The following BTBD1 variants were observed in gnomAD, a reference collection of about 807,000 sequenced individuals.
The protein encoded by BTBD1 is BTB/POZ domain-containing protein 1.
BTBD1 carries 34 observed loss-of-function variants against 48.0 expected under a neutral mutation model. The observed-to-expected ratio is 0.71, with a 90% CI of 0.54 to 0.94. The LOEUF is 0.94. Ranked by LOEUF, BTBD1 falls within the 40% of genes least tolerant of loss-of-function variation. The probability of loss-of-function intolerance (pLI) is 0.00; values close to 1 mark genes in which losing one functional copy is unlikely to be tolerated. For missense variants in BTBD1, 543 were observed against 625.6 expected (o/e 0.87, Z 1.41); for synonymous variants, 261 against 242.1 (o/e 1.08, Z -0.72).
chr15:83,051,705 T>A (rs548248590), intron 2 of BTBD1, among the ~76,000 whole-genome samples: 2 of 151,974 alleles, frequency 1.3e-5, no homozygotes, highest in East Asian at 3.9e-4. Flanking sequence ...TGGAATTTCC[T>A]TATTTTTTTT....
chr15:83,036,708 A>G (rs1021205652), intron 4 of BTBD1, among the ~76,000 whole-genome samples: 2 of 152,226 alleles, frequency 1.3e-5, no homozygotes, highest in African/African-American at 4.8e-5. Flanking sequence ...ACAGTTGTAT[A>G]ACAGAATATT....
At chr15:83,044,428 G>A (rs2151307998) in intron 3 of BTBD1, 2 of 1,578,684 alleles carry the variant, frequency 1.3e-6, no homozygotes, top group African/African-American at 1.3e-5. Flanking sequence ...ACGCTTTGAT[G>A]AATACATGAA....
At chr15:83,066,689 G>T in intron 1 of BTBD1, 62 bp downstream of exon 1, 2 of 1,255,092 alleles carry the variant, frequency 1.6e-6, no homozygotes, top group Non-Finnish European at 2.0e-6. Context: ...GGGCCCCGGG[G>T]ATCTCCCAGC....
intron 4 of BTBD1, among the ~76,000 whole-genome samples, chr15:83,033,177 G>A (rs1478878267): frequency 1.3e-5 from 2 of 152,034 alleles, no homozygotes; most frequent in African/African-American, 4.8e-5. Flanking sequence ...AATAGCCACT[G>A]CACTCCAGCC....
chr15:83,034,199 GAATTTTTTAAA>G (rs1370546377), intron 4 of BTBD1, among the ~76,000 whole-genome samples: 1 of 151,900 alleles, frequency 6.6e-6, no homozygotes. Context: ...CTGTCAGACT[GAATTTTTTAAA>G]AATGAAGCTT....
intron 4 of BTBD1, 72 bp downstream of exon 4, chr15:83,041,656 G>C (rs1176875290): frequency 1.4e-6 from 2 of 1,432,034 alleles, no homozygotes; most frequent in African/African-American, 2.8e-5. Context: ...TTATAGGTGT[G>C]AGCCACCAGG....
intron 4 of BTBD1, among the ~76,000 whole-genome samples, chr15:83,037,225 T>C (rs1353789728): frequency 7.3e-5 from 11 of 151,688 alleles, no homozygotes; most frequent in Admixed American, 7.2e-4. Flanking sequence ...ACATGAATAA[T>C]GTAAAGGAAA....
chr15:83,030,339 A>C lies in BTBD1; in HGVS notation c.863-11T>G. ...CAGATTGAGCAGGACCTGTGGAAAT[A>C]AAAACATAAGCCTAAAAAAAGGAAT... On this transcript the variant is annotated splice_polypyrimidine_tract_variant and intron_variant, in intron 4 of 7. Transcript: ENST00000261721. 1 of 1,597,448 alleles carries C rather than the reference A, an allele frequency of 6.3e-7. No individual in the cohort carries two copies. Among genetic ancestry groups the C allele is most frequent in the Non-Finnish European group, 8.5e-7 (1 of 1,170,744 alleles).
intron 5 of BTBD1, 154 bp downstream of exon 5, chr15:83,029,982 G>A (rs2032483961): frequency 4.1e-6 from 3 of 734,688 alleles, no homozygotes; most frequent in South Asian, 3.6e-5. Flanking sequence ...GGATGCCTCA[G>A]TGACTTCTTG....
At chr15:83,054,353 A>G (rs2033045835) in intron 2 of BTBD1, among the ~76,000 whole-genome samples, 1 of 152,130 alleles carries the variant, frequency 6.6e-6, no homozygotes, top group Non-Finnish European at 1.5e-5. Flanking sequence ...AAGAGAAAAA[A>G]GAAAAAAAGG....
rs761937825 is a variant in BTBD1, at chr15:83,041,929, T to G, written c.665-4A>C. 4 of 1,613,350 alleles carry G rather than the reference T, an allele frequency of 2.5e-6. No homozygotes were observed. The Admixed American group carries it at 6.7e-5, about 27-fold the overall frequency. On this transcript the variant is annotated splice_region_variant and splice_polypyrimidine_tract_variant and intron_variant, in intron 3 of 7. Coordinates refer to ENST00000261721, the MANE Select transcript of BTBD1 (RefSeq NM_025238.4). The stretch of plus-strand genomic sequence containing the variant: ...TCTAAAACTGCACAGAGTGTATCTA[T>G]AGGCAAAATACAAAATAAACCCAAT...
chr15:83,019,145 C>T (rs1361739765), intron 6 of BTBD1, among the ~76,000 whole-genome samples: 1 of 151,888 alleles, frequency 6.6e-6, no homozygotes, highest in Non-Finnish European at 1.5e-5. Flanking sequence ...CTGAAACCTC[C>T]ACTTCCCAAG....
chr15:83,062,295 G>C (rs940158270), intron 1 of BTBD1, among the ~76,000 whole-genome samples: 1 of 152,158 alleles, frequency 6.6e-6, no homozygotes, highest in Non-Finnish European at 1.5e-5. Context: ...GCAGTAGTTT[G>C]GTTGAAGCAA....
In BTBD1 at chr15:83,016,606, A is replaced by G. The variant is rs891835810; in HGVS notation, c.*1461T>C. ...AACACTAACTCATCTCTGGCATATCATATTTTTTAAGGCAGAAGTATTTTC... is the reference window on the plus strand; with the variant it reads ...AACACTAACTCATCTCTGGCATATCGTATTTTTTAAGGCAGAAGTATTTTC... On this transcript the variant is annotated 3_prime_UTR_variant, in exon 8 of 8. Coordinates refer to ENST00000261721, the MANE Select transcript of BTBD1 (RefSeq NM_025238.4). 3.9e-5 allele frequency: 6 copies of G among 152,110 alleles called. No individual in the cohort carries two copies. The highest frequency in any genetic ancestry group is 7.3e-5 in the Non-Finnish European group (5 of 68,032). The allele number at this position is 152,110 out of a possible 1,614,324, so 9.4% of individuals were successfully genotyped here.
chr15:83,023,638 C>T (rs1164789025), intron 5 of BTBD1, among the ~76,000 whole-genome samples: 1 of 152,066 alleles, frequency 6.6e-6, no homozygotes, highest in Admixed American at 6.6e-5. Context: ...GATCCTCCTG[C>T]CTTGGCCTCC....
chr15:83,026,528 T>G (rs1252184804), intron 5 of BTBD1, among the ~76,000 whole-genome samples: 1 of 147,428 alleles, frequency 6.8e-6, no homozygotes. Flanking sequence ...TTTTTTTTTT[T>G]TTTTTTTTTT....
chr15:83,051,921 GACTAA>G (rs1327456345), intron 2 of BTBD1, among the ~76,000 whole-genome samples: 9 of 59,836 alleles, frequency 1.5e-4, no homozygotes, highest in African/African-American at 6.9e-4. Flanking sequence ...TGGGAGGAGA[GACTAA>G]ACTATTTGAG....
chr15:83,031,002 C>G (rs1409144749), intron 4 of BTBD1, among the ~76,000 whole-genome samples: 1 of 152,100 alleles, frequency 6.6e-6, no homozygotes, highest in Non-Finnish European at 1.5e-5. Flanking sequence ...GTGCATGTGT[C>G]TTTATAGCAG....
At chr15:83,025,597 T>A (rs2032389348) in intron 5 of BTBD1, among the ~76,000 whole-genome samples, 1 of 152,060 alleles carries the variant, frequency 6.6e-6, no homozygotes, top group Non-Finnish European at 1.5e-5. Flanking sequence ...ATGGGATTAT[T>A]CACAATACTA....
Sources: gnomAD v4.1 joint callset for allele counts (sites outside exome capture counted in the v4.1 genomes callset) on GRCh38, gnomAD v4.1.1 for gene constraint, MANE v1.5 for transcripts, NCBI Gene and HGNC (gene_info 2026-07-23, HGNC 2026-07-21) for gene names.